GPC6: variants seen among roughly 807,000 people sequenced by gnomAD.
GPC6 encodes glypican-6.
A neutral mutation model predicts 55.2 loss-of-function variants in GPC6; 14 were observed. The observed-to-expected ratio is 0.25, with a 90% CI of 0.17 to 0.40. The LOEUF is 0.40. Ranked by LOEUF, GPC6 falls within the 10% of genes least tolerant of loss-of-function variation. GPC6 has a pLI of 1.00. For synonymous variants in GPC6, 278 were observed against 259.6 expected (o/e 1.07, Z -0.68); for missense variants, 641 against 708.5 (o/e 0.90, Z 1.08).
intron 3 of GPC6, among the ~76,000 whole-genome samples, chr13:94,013,666 G>T (rs1882342950): frequency 6.6e-6 from 1 of 152,150 alleles, no homozygotes; most frequent in Non-Finnish European, 1.5e-5. Context: ...TTTAAGGAAT[G>T]AAATTAAATA....
At chr13:94,180,342 C>G (rs180910744) in intron 4 of GPC6, among the ~76,000 whole-genome samples, 17 of 152,270 alleles carry the variant, frequency 1.1e-4, no homozygotes, top group Admixed American at 1.0e-3. Flanking sequence ...TTGGATCATG[C>G]TCTTCTGAAT....
At chr13:94,294,211 T>C (rs1875193213) in intron 5 of GPC6, among the ~76,000 whole-genome samples, 1 of 152,200 alleles carries the variant, frequency 6.6e-6, no homozygotes, top group South Asian at 2.1e-4. Context: ...CTAGATATCA[T>C]TTAACTATAT....
chr13:93,376,236 A>G (rs977235769), intron 1 of GPC6, among the ~76,000 whole-genome samples: 1 of 152,064 alleles, frequency 6.6e-6, no homozygotes, highest in African/African-American at 2.4e-5. Context: ...TGAGCCCCAG[A>G]ATTAGGAAAA....
In GPC6 at chr13:93,361,771, A is replaced by G. The variant is rs374886658; in HGVS notation, c.160+134155A>G. Among the ~76,000 whole-genome samples the G allele has an allele frequency of 1.1e-4, 16 of 152,318 alleles. No homozygotes were observed. In the South Asian group the frequency reaches 1.9e-3, roughly 18 times the overall value. ...AAATGAAAGATACAGGAACAGCAGT[A>G]GTGGTTAGGCAGAAAAAAACCTGGA... On this transcript the variant is annotated intron_variant, in intron 1 of 8. Coordinates refer to ENST00000377047, the MANE Select transcript of GPC6 (RefSeq NM_005708.5).
At chr13:94,168,066 C>T (rs1185864198) in intron 4 of GPC6, among the ~76,000 whole-genome samples, 2 of 152,146 alleles carry the variant, frequency 1.3e-5, no homozygotes, top group African/African-American at 2.4e-5. Flanking sequence ...CAGCAACTTG[C>T]GAGATAGGCA....
intron 3 of GPC6, among the ~76,000 whole-genome samples, chr13:93,977,819 A>C (rs1566631226): frequency 6.6e-6 from 1 of 152,176 alleles, no homozygotes; most frequent in Admixed American, 6.6e-5. Flanking sequence ...TAGGATAAGT[A>C]CTAAAAAGAA....
At chr13:93,418,698 G>C (rs1397693183) in intron 1 of GPC6, among the ~76,000 whole-genome samples, 1 of 151,148 alleles carries the variant, frequency 6.6e-6, no homozygotes, top group Non-Finnish European at 1.5e-5. Flanking sequence ...CTATACCGTA[G>C]TGTCATTTTG....
At chr13:93,824,864 A>C (rs896311795) in intron 2 of GPC6, among the ~76,000 whole-genome samples, 8 of 152,070 alleles carry the variant, frequency 5.3e-5, no homozygotes, top group African/African-American at 1.9e-4. Flanking sequence ...CCATCGATCT[A>C]TTCATTCATT....
intron 4 of GPC6, among the ~76,000 whole-genome samples, chr13:94,120,370 A>C (rs573958147): frequency 6.6e-6 from 1 of 152,206 alleles, no homozygotes; most frequent in Non-Finnish European, 1.5e-5. Context: ...TTCCCTCCCA[A>C]GTAGCTTAAG....
In GPC6 at chr13:93,909,515, C is replaced by T. The variant is rs185193641; in HGVS notation, c.711+78970C>T. On this transcript the variant is annotated intron_variant, in intron 3 of 8. Transcript: ENST00000377047. ...AGGGAAATTACTCTGGAAAAAGAAA[C>T]GTGAAAACTGTGAGTAACAAATGGG... Among the ~76,000 whole-genome samples the T allele has an allele frequency of 3.9e-3, 586 of 152,042 alleles. 4 individuals are homozygous for T. Among genetic ancestry groups the T allele is most frequent in the South Asian group, 0.017 (83 of 4,790 alleles).
chr13:93,432,300 C>G (rs941997576), intron 1 of GPC6, among the ~76,000 whole-genome samples: 13 of 152,128 alleles, frequency 8.5e-5, no homozygotes, highest in African/African-American at 3.1e-4. Flanking sequence ...ATGACTCTCT[C>G]TCCGGCCAAC....
chr13:94,030,004 CTTT>C (rs55808503), intron 4 of GPC6, among the ~76,000 whole-genome samples: 6 of 139,446 alleles, frequency 4.3e-5, no homozygotes, highest in Non-Finnish European at 4.7e-5. Context: ...TTCTTCCCGT[CTTT>C]TTTTTTTTTT....
intron 2 of GPC6, among the ~76,000 whole-genome samples, chr13:93,580,313 T>C (rs1255216479): frequency 6.6e-6 from 1 of 152,196 alleles, no homozygotes; most frequent in African/African-American, 2.4e-5. Flanking sequence ...ATGAATACCA[T>C]GACATTGAAG....
At chr13:93,427,529 G>T (rs563254199) in intron 1 of GPC6, among the ~76,000 whole-genome samples, 1 of 152,202 alleles carries the variant, frequency 6.6e-6, no homozygotes, top group African/African-American at 2.4e-5. Context: ...AAATGGTGCT[G>T]GGAAAACTGG....
intron 4 of GPC6, among the ~76,000 whole-genome samples, chr13:94,238,510 G>C (rs934756615): frequency 6.6e-6 from 1 of 152,150 alleles, no homozygotes; most frequent in Non-Finnish European, 1.5e-5. Context: ...CGAGGACTAA[G>C]GGAGTAGAGT....
At chr13:93,274,612 G>C (rs1407861720) in intron 1 of GPC6, among the ~76,000 whole-genome samples, 1 of 152,096 alleles carries the variant, frequency 6.6e-6, no homozygotes, top group African/African-American at 2.4e-5. Flanking sequence ...GCTCCAAAAG[G>C]AGACTATTTT....
intron 3 of GPC6, among the ~76,000 whole-genome samples, chr13:93,851,879 G>T (rs1166322884): frequency 6.6e-6 from 1 of 151,430 alleles, no homozygotes; most frequent in African/African-American, 2.4e-5. Flanking sequence ...CTTCAAAGTG[G>T]GGATAATAGG....
chr13:93,683,690 A>T (rs1881939439), intron 2 of GPC6, among the ~76,000 whole-genome samples: 1 of 152,186 alleles, frequency 6.6e-6, no homozygotes, highest in Non-Finnish European at 1.5e-5. Context: ...TGCTCCTTTC[A>T]AACAGAATTG....
intron 2 of GPC6, among the ~76,000 whole-genome samples, chr13:93,749,799 C>T (rs190717690): frequency 6.6e-5 from 10 of 151,914 alleles, no homozygotes; most frequent in East Asian, 5.8e-4. Flanking sequence ...TTACTTGTGA[C>T]GAAAAAAATA....
Sources: allele counts gnomAD v4.1 joint callset (sites outside exome capture counted in the v4.1 genomes callset), GRCh38; gene constraint gnomAD v4.1.1; transcripts MANE v1.5; gene names NCBI Gene and HGNC (gene_info 2026-07-23, HGNC 2026-07-21).